Variants in THSD4 observed in about 807,000 individuals in gnomAD.
THSD4 encodes the protein thrombospondin type 1 domain containing 4.
In THSD4, 69 loss-of-function variants were observed where a neutral mutation model predicts 119.0. That is an observed-to-expected ratio of 0.58 (90% CI 0.48 to 0.71). The LOEUF (loss-of-function observed/expected upper bound fraction) is 0.71. Among genes scored for constraint, THSD4 ranks in the 30% least tolerant of loss-of-function variants. The pLI is 0.00. For missense variants in THSD4, 1,393 were observed against 1,391.1 expected (o/e 1.00, Z -0.02); for synonymous variants, 524 against 540.4 (o/e 0.97, Z 0.42).
intron 7 of THSD4, among the ~76,000 whole-genome samples, chr15:71,582,485 G>T (rs1295426798): frequency 6.6e-6 from 1 of 151,674 alleles, no homozygotes; most frequent in Non-Finnish European, 1.5e-5. Flanking sequence ...TCTTTTTCTT[G>T]CTTACTTGCT....
intron 3 of THSD4, among the ~76,000 whole-genome samples, chr15:71,206,248 G>A (rs537690777): frequency 6.6e-6 from 1 of 152,244 alleles, no homozygotes; most frequent in Admixed American, 6.5e-5. Context: ...CCAACCTCAG[G>A]TGATCCGCCC....
chr15:71,321,336 G>A (rs763386809), intron 6 of THSD4, among the ~76,000 whole-genome samples: 7 of 152,188 alleles, frequency 4.6e-5, no homozygotes, highest in Non-Finnish European at 7.3e-5. Flanking sequence ...AGGAGTTGGA[G>A]ACCAGCCTGG....
intron 7 of THSD4, among the ~76,000 whole-genome samples, chr15:71,581,048 A>G (rs1240820541): frequency 2.6e-5 from 4 of 152,108 alleles, no homozygotes; most frequent in Non-Finnish European, 4.4e-5. Flanking sequence ...CTTCAAGGTA[A>G]TGATTTCATT....
chr15:71,476,335 G>T (rs1012548934), intron 7 of THSD4, among the ~76,000 whole-genome samples: 1 of 152,128 alleles, frequency 6.6e-6, no homozygotes, highest in African/African-American at 2.4e-5. Flanking sequence ...AGGTTCAAGC[G>T]ATTCTCCTGC....
chr15:71,560,970 CTTTTTT>C (rs11292320), intron 7 of THSD4, among the ~76,000 whole-genome samples: 11 of 123,974 alleles, frequency 8.9e-5, no homozygotes, highest in Non-Finnish European at 1.2e-4. Flanking sequence ...TTCTCTTTAT[CTTTTTT>C]TTTTTTTTTT....
intron 7 of THSD4, among the ~76,000 whole-genome samples, chr15:71,496,218 G>A (rs1175028683): frequency 6.6e-6 from 1 of 152,160 alleles, no homozygotes; most frequent in Non-Finnish European, 1.5e-5. Flanking sequence ...TACAGCTTTT[G>A]CATGCTAATG....
At chr15:71,622,101 A>G (rs976357830) in intron 7 of THSD4, among the ~76,000 whole-genome samples, 1 of 152,228 alleles carries the variant, frequency 6.6e-6, no homozygotes, top group African/African-American at 2.4e-5. Flanking sequence ...AGTTGGGATC[A>G]GTTATCCAAA....
intron 3 of THSD4, among the ~76,000 whole-genome samples, chr15:71,170,935 TG>T (rs2043355121): frequency 6.6e-6 from 1 of 152,058 alleles, no homozygotes; most frequent in African/African-American, 2.4e-5. Flanking sequence ...GATTAGACAT[TG>T]CAGAAGAAAA....
chr15:71,633,037 G>C (rs1380837536), intron 7 of THSD4, among the ~76,000 whole-genome samples: 1 of 152,106 alleles, frequency 6.6e-6, no homozygotes, highest in Non-Finnish European at 1.5e-5. Flanking sequence ...CAGGAGGCAG[G>C]ACATCAAGGT....
At chr15:71,112,248 G>A (rs1424962156), upstream of THSD4, 1 of 1,603,026 alleles carries the variant, frequency 6.2e-7, no homozygotes, top group African/African-American at 1.3e-5. Flanking sequence ...GAGGTGGGGT[G>A]GTGACAGTCT....
Position 71,109,504 on chromosome 15 carries a change from G to A in THSD4, c.-80+12498G>A, listed in dbSNP as rs143484106. On this transcript the variant is annotated intron_variant, in intron 1 of 17. Coordinates refer to the THSD4 transcript ENST00000355327. ...ACTGGAAGGGGCTATACAAGTTGGT[G>A]TGAGCCCGTCCCATTCTCTCCCAAC... Among the ~76,000 whole-genome samples, 413 of 152,298 alleles carry A rather than the reference G, an allele frequency of 2.7e-3. 3 individuals are homozygous for A. The highest frequency in any genetic ancestry group is 1.0e-2 in the Admixed American group (153 of 15,306).
chr15:71,238,404 G>A (rs867396991), intron 4 of THSD4, among the ~76,000 whole-genome samples: 3 of 152,004 alleles, frequency 2.0e-5, no homozygotes, highest in South Asian at 2.1e-4. Flanking sequence ...TGACTATCAC[G>A]ACTATCTAAT....
intron 7 of THSD4, among the ~76,000 whole-genome samples, chr15:71,552,740 A>T (rs1438198989): frequency 1.3e-5 from 2 of 152,178 alleles, no homozygotes; most frequent in Admixed American, 6.5e-5. Flanking sequence ...TCTGCCTCCC[A>T]GGTTCAAGAG....
intron 7 of THSD4, among the ~76,000 whole-genome samples, chr15:71,619,232 A>G (rs961668406): frequency 6.6e-6 from 1 of 152,160 alleles, no homozygotes; most frequent in African/African-American, 2.4e-5. Context: ...TCAGCCTCCC[A>G]AAGTGCTGGG....
At chr15:71,284,099 AC>A (rs943076663) in intron 6 of THSD4, among the ~76,000 whole-genome samples, 2 of 152,172 alleles carry the variant, frequency 1.3e-5, no homozygotes, top group African/African-American at 4.8e-5. Flanking sequence ...ATGGATGAGA[AC>A]CCTGGAAATG....
chr15:71,135,570 T>A (rs1261781723), intron 1 of THSD4, among the ~76,000 whole-genome samples: 1 of 152,302 alleles, frequency 6.6e-6, no homozygotes, highest in Non-Finnish European at 1.5e-5. Flanking sequence ...ATTTAAAGCC[T>A]ATGCCTTCCT....
intron 6 of THSD4, among the ~76,000 whole-genome samples, chr15:71,396,800 C>T (rs555857886): frequency 3.3e-5 from 5 of 152,284 alleles, no homozygotes; most frequent in East Asian, 1.9e-4. Flanking sequence ...GAGTTTTGAA[C>T]GGCATGGTGC....
intron 17 of THSD4, among the ~76,000 whole-genome samples, chr15:71,774,862 G>A (rs1430323266): frequency 6.6e-6 from 1 of 152,126 alleles, no homozygotes; most frequent in East Asian, 1.9e-4. Flanking sequence ...AAAATTGGAA[G>A]CAAGCTGGGC....
intron 8 of THSD4, among the ~76,000 whole-genome samples, chr15:71,676,251 T>G (rs554788461): frequency 6.6e-6 from 1 of 152,312 alleles, no homozygotes; most frequent in African/African-American, 2.4e-5. Context: ...TCAGTGGCAT[T>G]AAGTACATTC....
Sources: gnomAD v4.1 joint callset for allele counts (sites outside exome capture counted in the v4.1 genomes callset) on GRCh38, gnomAD v4.1.1 for gene constraint, MANE v1.5 for transcripts, NCBI Gene and HGNC (gene_info 2026-07-23, HGNC 2026-07-21) for gene names.